The following GALNT14 variants were observed in gnomAD, a reference collection of about 807,000 sequenced individuals.
GALNT14 encodes the protein UDP-GalNAc:polypeptide N-acetylgalactosaminyltransferase 14.
In GALNT14, 60 loss-of-function variants were observed where a neutral mutation model predicts 77.5. The ratio of observed to expected loss-of-function variants is 0.77; its 90% CI spans 0.63 to 0.96. The LOEUF is 0.96. Among genes scored for constraint, GALNT14 ranks in the 40% least tolerant of loss-of-function variants. The probability of loss-of-function intolerance (pLI) is 0.00; values close to 1 mark genes in which losing one functional copy is unlikely to be tolerated. For missense variants in GALNT14, 710 were observed against 731.0 expected (o/e 0.97, Z 0.33); for synonymous variants, 280 against 281.7 (o/e 0.99, Z 0.06).
rs1667991227 is a variant in GALNT14 at position 30,966,188 on chromosome 2, A to G, written c.398+16T>C. On this transcript the variant is annotated intron_variant, in intron 3 of 14. Coordinates refer to ENST00000349752, the MANE Select transcript of GALNT14 (RefSeq NM_024572.4). ...CTGGCCCAGAGCTGGCCAACAGACA[A>G]GCAAGGATGCCTCACCTGCGGATGG... The G allele has an allele frequency of 6.2e-7, 1 of 1,610,692 alleles. No homozygotes were observed. Among genetic ancestry groups the G allele is most frequent in the Admixed American group, 1.7e-5 (1 of 59,958 alleles).
chr2:30,966,093 T>C (rs1573052428), intron 3 of GALNT14, 111 bp downstream of exon 3: 1 of 726,570 alleles, frequency 1.4e-6, no homozygotes, highest in Non-Finnish European at 2.4e-6. Context: ...GCCTGGCACG[T>C]AGTTAGATGT....
At chr2:30,923,265 T>A (rs375200135) in intron 13 of GALNT14, among the ~76,000 whole-genome samples, 19 of 152,144 alleles carry the variant, frequency 1.2e-4, no homozygotes, top group East Asian at 1.2e-3. Flanking sequence ...GGTTTCACCA[T>A]GTTTGCCAGG....
chr2:30,900,025 G>T, the GALNT14 span, among the ~76,000 whole-genome samples: 1 of 152,238 alleles, frequency 6.6e-6, no homozygotes, highest in East Asian at 1.9e-4. Flanking sequence ...TGATGGCTCA[G>T]TGTGTGGAGT....
At chr2:31,102,506 A>T (rs1189909997) in intron 1 of GALNT14, among the ~76,000 whole-genome samples, 2 of 152,116 alleles carry the variant, frequency 1.3e-5, no homozygotes, top group Admixed American at 6.6e-5. Flanking sequence ...ATTGCACTGT[A>T]ATCAGAGAAT....
chr2:31,016,750 C>T (rs1407814080), intron 1 of GALNT14, among the ~76,000 whole-genome samples: 10 of 152,182 alleles, frequency 6.6e-5, no homozygotes, highest in Admixed American at 4.6e-4. Context: ...CTATGAGATA[C>T]ATCCTTGCAG....
chr2:31,035,642 C>T (rs1250101328), intron 1 of GALNT14, among the ~76,000 whole-genome samples: 2 of 115,512 alleles, frequency 1.7e-5, no homozygotes, highest in African/African-American at 3.1e-5. Context: ...CACACACACA[C>T]ACACACACAC....
At chr2:31,119,678 T>C (rs1678294428) in intron 1 of GALNT14, among the ~76,000 whole-genome samples, 1 of 152,214 alleles carries the variant, frequency 6.6e-6, no homozygotes, top group South Asian at 2.1e-4. Flanking sequence ...TGACTCAGAA[T>C]TCCCACTCCT....
chr2:30,942,208 C>A lies in GALNT14; in HGVS notation c.924G>T (p.Glu308Asp), dbSNP rs757354910. 2.5e-6 allele frequency: 4 copies of A among 1,612,836 alleles called. No individual in the cohort carries two copies. In the South Asian group the frequency reaches 4.4e-5, roughly 18 times the overall value. ...YDMDMDIWGGENFEISFRVWM... is the reference protein window; with the variant it reads ...YDMDMDIWGGDNFEISFRVWM... Reference sequence around the variant, plus strand: ...GCAGAGGCAGGGACTCACCAAAGTTCTCCCCACCCCAGATGTCCATGTCCA... The same window carrying A: ...GCAGAGGCAGGGACTCACCAAAGTTATCCCCACCCCAGATGTCCATGTCCA... Residue 308 changes from glutamate (E) to aspartate (D), a missense_variant, in exon 9 of 15, where the codon GAG becomes GAT. Coordinates refer to ENST00000349752, the MANE Select transcript of GALNT14 (RefSeq NM_024572.4).
In GALNT14 at chr2:31,062,619, T is replaced by A. The variant is rs1018144130; in HGVS notation, c.130-69612A>T. Among the ~76,000 whole-genome samples the A allele has an allele frequency of 4.6e-5, 7 of 152,198 alleles. No individual in the cohort carries two copies. In the South Asian group the frequency reaches 1.4e-3, roughly 31 times the overall value. ...GTCAAATGGTATTTCTATTTCTAGA[T>A]CCTTGAGGAATCGTCACACTGTCTT... On this transcript the variant is annotated intron_variant, in intron 1 of 14. Coordinates refer to ENST00000349752, the MANE Select transcript of GALNT14 (RefSeq NM_024572.4).
At chr2:31,015,674 T>G (rs1328988899) in intron 1 of GALNT14, among the ~76,000 whole-genome samples, 1 of 152,242 alleles carries the variant, frequency 6.6e-6, no homozygotes, top group Non-Finnish European at 1.5e-5. Context: ...AAGGATGTAC[T>G]GACAAGGGCT....
intron 14 of GALNT14, among the ~76,000 whole-genome samples, chr2:30,911,532 C>T (rs1328011191): frequency 1.3e-5 from 2 of 152,086 alleles, no homozygotes; most frequent in South Asian, 2.1e-4. Flanking sequence ...CACTTGACCT[C>T]GCATGACAAA....
rs1371449668 is a variant in GALNT14, at chr2:30,942,297, T to C, written c.835A>G (p.Ile279Val). 17 of 1,613,198 alleles carry C rather than the reference T, an allele frequency of 1.1e-5. No individual in the cohort carries two copies. The highest frequency in any genetic ancestry group is 2.7e-5 in the African/African-American group (2 of 74,906). Residue 279 changes from isoleucine (I) to valine (V), a missense_variant, in exon 9 of 15, where the codon ATC (isoleucine) becomes GTC (valine). By Grantham distance (29) the Ile-to-Val change is conservative. Coordinates refer to ENST00000349752, the MANE Select transcript of GALNT14 (RefSeq NM_024572.4). Reference sequence around the variant, plus strand: ...ATCACGAAGAGCCCTCCAGCTATGATAGGAGTCCTGTGCATTTGGAAGAAA... The same window carrying C: ...ATCACGAAGAGCCCTCCAGCTATGACAGGAGTCCTGTGCATTTGGAAGAAA... ...LDPTEPIRTP[I>V]IAGGLFVIDK...
At chr2:31,000,957 A>G (rs183464174) in intron 1 of GALNT14, among the ~76,000 whole-genome samples, 1 of 152,248 alleles carries the variant, frequency 6.6e-6, no homozygotes, top group African/African-American at 2.4e-5. Context: ...TATATCCCCA[A>G]TTTTCAAATG....
chr2:30,972,277 A>T (rs1668404789), intron 2 of GALNT14, among the ~76,000 whole-genome samples: 1 of 152,232 alleles, frequency 6.6e-6, no homozygotes, highest in Non-Finnish European at 1.5e-5. Context: ...CCCAGACGGG[A>T]GTCTGAAGAC....
intron 1 of GALNT14, chr2:31,129,710 A>C: frequency 9.8e-6 from 4 of 407,388 alleles, no homozygotes; most frequent in Non-Finnish European, 1.3e-5. Context: ...ACCAGTCTCT[A>C]TGGCTGGGAG....
rs189297900 is a variant in GALNT14, at chr2:30,918,858, G to A, written c.1380+5261C>T. Among the ~76,000 whole-genome samples, 958 of 133,508 alleles carry A rather than the reference G, an allele frequency of 7.2e-3. 10 individuals are homozygous for A. The highest frequency in any genetic ancestry group is 0.025 in the African/African-American group (897 of 35,434). 87.6% of individuals were successfully genotyped at this position (133,508 alleles called of 152,430 possible). A position where few individuals can be genotyped will look rare whatever the true frequency, so the allele number is the denominator to read the frequency against. On this transcript the variant is annotated intron_variant, in intron 13 of 14. Coordinates refer to ENST00000349752, the MANE Select transcript of GALNT14 (RefSeq NM_024572.4). The stretch of plus-strand genomic sequence containing the variant: ...TCGGGCAGGGAAGGTGGCATCAGGC[G>A]GGGAAGGTGGCATCAGGCAGGGAGG...
In GALNT14 at chr2:30,955,941, A is replaced by C. The variant is rs771862824; in HGVS notation, c.503T>G (p.Val168Gly). ...CCGTTCATTATTGCGCAAGCATTTC[A>C]CCTTGGGCAACTTGATGAGCTGTTT... ...DCKQLIKLPK[V>G]KCLRNNERQG... The change falls in exon 5 of 15, where the codon GTG becomes GGG. Residue 168 changes from valine (V) to glycine (G), a missense_variant. Transcript: ENST00000349752. 6.2e-7 allele frequency: 1 copy of C among 1,614,008 alleles called. No homozygotes were observed. The highest frequency in any genetic ancestry group is 1.3e-5 in the African/African-American group (1 of 74,922).
chr2:31,111,993 T>C (rs1234787121), intron 1 of GALNT14, among the ~76,000 whole-genome samples: 2 of 149,450 alleles, frequency 1.3e-5, no homozygotes, highest in Admixed American at 1.3e-4. Context: ...ACTGTGTACT[T>C]GCTTTTTTTT....
At position 30,938,308 on chromosome 2, in the gene GALNT14, T is replaced by TACACAC. The variant is rs10623006; in HGVS notation, c.931+3887_931+3892dup. 2.2e-3 allele frequency among the ~76,000 whole-genome samples: 308 copies of TACACAC among 142,806 alleles called. 1 individual carries two copies. The East Asian group carries it at 0.024, about 11-fold the overall frequency. 93.7% of individuals were successfully genotyped at this position (142,806 alleles called of 152,430 possible). ...CATACCTACACACACACATACACCC[T>TACACAC]ACACACACACACACACACACAGACT... On this transcript the variant is annotated intron_variant, in intron 9 of 14. Coordinates refer to ENST00000349752, the MANE Select transcript of GALNT14 (RefSeq NM_024572.4).
Sources: gnomAD v4.1 joint callset for allele counts (sites outside exome capture counted in the v4.1 genomes callset) on GRCh38, gnomAD v4.1.1 for gene constraint, MANE v1.5 for transcripts, NCBI Gene and HGNC (gene_info 2026-07-23, HGNC 2026-07-21) for gene names.